Variants in TLE4 observed in about 807,000 individuals in gnomAD.
TLE4 encodes transducin-like enhancer protein 4.
TLE4 carries 8 observed loss-of-function variants against 92.8 expected under a neutral mutation model. The observed-to-expected ratio is 0.09, with a 90% CI of 0.05 to 0.16. TLE4 has a LOEUF of 0.16. Ranked by LOEUF, TLE4 falls within the 10% of genes least tolerant of loss-of-function variation. The pLI is 1.00. For missense variants in TLE4, 675 were observed against 997.6 expected (o/e 0.68, Z 4.36); for synonymous variants, 371 against 374.1 (o/e 0.99, Z 0.10).
chr9:79,584,398 G>T (rs2040534427), intron 4 of TLE4, among the ~76,000 whole-genome samples: 2 of 152,072 alleles, frequency 1.3e-5, no homozygotes, highest in South Asian at 4.1e-4. Context: ...TAAAGCCAAG[G>T]TCCACTTTTA....
At chr9:79,654,926 G>A (rs1486602174) in intron 8 of TLE4, among the ~76,000 whole-genome samples, 3 of 152,192 alleles carry the variant, frequency 2.0e-5, no homozygotes, top group Non-Finnish European at 2.9e-5. Flanking sequence ...GGCGGATCGT[G>A]AGGTCAAGAG....
At chr9:79,654,282 T>A (rs1305756996) in intron 8 of TLE4, among the ~76,000 whole-genome samples, 1 of 151,848 alleles carries the variant, frequency 6.6e-6, no homozygotes, top group African/African-American at 2.4e-5. Flanking sequence ...ATCAGATTTG[T>A]TGACCCAGGT....
intron 5 of TLE4, 80 bp downstream of exon 5, chr9:79,612,798 C>G (rs777693615): frequency 5.8e-6 from 7 of 1,204,910 alleles, no homozygotes; most frequent in South Asian, 1.2e-5. Context: ...AGAACTGACT[C>G]TCTGGCCTTG....
intron 19 of TLE4, 81 bp downstream of exon 19, chr9:79,723,116 A>C (rs1171408894): frequency 1.4e-6 from 2 of 1,390,630 alleles, no homozygotes; most frequent in African/African-American, 1.4e-5. Context: ...TAATGTGCAG[A>C]AGTGTCCTGG....
rs1258681912 is a variant in TLE4, at chr9:79,572,107, C to G, written c.-684C>G. 6.6e-6 allele frequency: 1 copy of G among 151,132 alleles called. No individual in the cohort carries two copies. The highest frequency in any genetic ancestry group is 1.5e-5 in the Non-Finnish European group (1 of 67,882). The allele number at this position is 151,132 out of a possible 1,614,324, so 9.4% of individuals were successfully genotyped here. On this transcript the variant is annotated 5_prime_UTR_variant, in exon 1 of 20. Coordinates refer to ENST00000376552, the MANE Select transcript of TLE4 (RefSeq NM_007005.6). ...GAGAATTAAAAAAAAAAGCCGCAAG[C>G]GTTTCACTCTTTTATTTTTATAATC... is the stretch of plus-strand genomic sequence containing the variant.
chr9:79,620,131 G>A lies in TLE4; in HGVS notation c.316-7243G>A, dbSNP rs114309635. ...TATCTGTATGTCTCAACAAATTAAT[G>A]AGTGTTTGAGAACTGACTCATTTAT... On this transcript the variant is annotated intron_variant, in intron 5 of 19. Coordinates refer to ENST00000376552, the MANE Select transcript of TLE4 (RefSeq NM_007005.6). 8.1e-3 allele frequency among the ~76,000 whole-genome samples: 1,229 copies of A among 152,320 alleles called. 21 individuals carry two copies. Among genetic ancestry groups the A allele is most frequent in the African/African-American group, 0.027 (1,131 of 41,570 alleles).
At chr9:79,600,765 T>C (rs77720398) in intron 4 of TLE4, among the ~76,000 whole-genome samples, 3,593 of 152,236 alleles carry the variant, frequency 0.024, 146 homozygotes, top group African/African-American at 0.081. Flanking sequence ...GCTCTAACTG[T>C]GTTGTTTTGA....
At chr9:79,611,039 CT>C (rs2133019612) in intron 4 of TLE4, among the ~76,000 whole-genome samples, 1 of 152,156 alleles carries the variant, frequency 6.6e-6, no homozygotes, top group Admixed American at 6.6e-5. Flanking sequence ...TTCTCTCCCC[CT>C]CCACCTCTCC....
intron 6 of TLE4, among the ~76,000 whole-genome samples, chr9:79,642,868 C>G (rs2057434509): frequency 6.6e-6 from 1 of 152,138 alleles, no homozygotes; most frequent in Admixed American, 6.5e-5. Flanking sequence ...CTACAGAGAT[C>G]TGTGGTTTGT....
intron 8 of TLE4, chr9:79,671,369 C>A: frequency 2.3e-6 from 1 of 427,176 alleles, no homozygotes; most frequent in South Asian, 1.6e-5. Context: ...CCCTGACGAG[C>A]TCAACGAGTG....
intron 8 of TLE4, among the ~76,000 whole-genome samples, chr9:79,657,456 C>A (rs921317938): frequency 6.6e-6 from 1 of 152,196 alleles, no homozygotes. Flanking sequence ...TGCCCACCCC[C>A]TCTCATTGAG....
At chr9:79,679,601 G>T (rs1265442041) in intron 8 of TLE4, among the ~76,000 whole-genome samples, 6 of 152,248 alleles carry the variant, frequency 3.9e-5, no homozygotes, top group African/African-American at 1.2e-4. Context: ...CTTTTGCTGT[G>T]CAGAAGCTCT....
At chr9:79,654,867 G>T (rs1354110884) in intron 8 of TLE4, among the ~76,000 whole-genome samples, 1 of 152,164 alleles carries the variant, frequency 6.6e-6, no homozygotes, top group Non-Finnish European at 1.5e-5. Flanking sequence ...TTGTAGGCCG[G>T]GCTTGGTGGT....
chr9:79,594,974 T>G (rs979174770), intron 4 of TLE4, among the ~76,000 whole-genome samples: 1 of 152,210 alleles, frequency 6.6e-6, no homozygotes, highest in African/African-American at 2.4e-5. Flanking sequence ...AAATACTATT[T>G]ATAGTTTGTG....
chr9:79,708,803 C>T lies in TLE4; in HGVS notation c.1263+17C>T. The stretch of plus-strand genomic sequence containing the variant: ...TCACCAGTGGTGCGTTTGTGAGCTT[C>T]ACAAATAATATTTTAGCACACGGAG... On this transcript the variant is annotated intron_variant, in intron 13 of 19. Transcript: ENST00000376552. 1 of 1,594,750 alleles carries T rather than the reference C, an allele frequency of 6.3e-7. No individual in the cohort carries two copies. The highest frequency in any genetic ancestry group is 8.5e-7 in the Non-Finnish European group (1 of 1,175,582).
At chr9:79,686,463 C>T (rs1326837631) in intron 8 of TLE4, among the ~76,000 whole-genome samples, 2 of 152,106 alleles carry the variant, frequency 1.3e-5, no homozygotes, top group Non-Finnish European at 2.9e-5. Context: ...GAAATAGGGT[C>T]TTGGCAGATG....
intron 8 of TLE4, among the ~76,000 whole-genome samples, chr9:79,696,773 T>C (rs887590103): frequency 6.6e-6 from 1 of 152,228 alleles, no homozygotes; most frequent in Non-Finnish European, 1.5e-5. Context: ...GTAACTTATT[T>C]CTCTGAGCTG....
chr9:79,666,194 T>TGG (rs1554757120), intron 8 of TLE4, among the ~76,000 whole-genome samples: 28 of 130,452 alleles, frequency 2.1e-4, no homozygotes, highest in South Asian at 9.4e-4. Flanking sequence ...TGTGTGTGTG[T>TGG]GTGGGTGGGG....
chr9:79,680,033 T>C (rs367559448), intron 8 of TLE4, among the ~76,000 whole-genome samples: 1 of 151,786 alleles, frequency 6.6e-6, no homozygotes. Flanking sequence ...TGTAGTATAG[T>C]TTGAAGTCAG....
Sources: allele counts gnomAD v4.1 joint callset (sites outside exome capture counted in the v4.1 genomes callset), GRCh38; gene constraint gnomAD v4.1.1; transcripts MANE v1.5; gene names NCBI Gene and HGNC (gene_info 2026-07-23, HGNC 2026-07-21).